Variants in TACC2 observed in about 807,000 individuals in gnomAD.
The protein encoded by TACC2 is transforming acidic coiled-coil-containing protein 2.
Under a neutral mutation model 227.3 loss-of-function variants are expected in TACC2, and 137 were observed. That is an observed-to-expected ratio of 0.60 (90% confidence interval 0.52 to 0.69). The LOEUF (loss-of-function observed/expected upper bound fraction) is 0.69, where lower values mean the gene tolerates loss of function less well. Ranked by LOEUF, TACC2 falls within the 30% of genes least tolerant of loss-of-function variation. The pLI is 0.00. For missense variants in TACC2, 3,470 were observed against 3,694.4 expected, an observed-to-expected ratio of 0.94 and a Z score of 1.57; for synonymous variants, 1,523 against 1,487.5, an observed-to-expected ratio of 1.02 and a Z score of -0.55.
At position 122,180,034 on chromosome 10, in the gene TACC2, A is replaced by G. The variant is rs1419913496; in HGVS notation, c.5835-15006A>G. Among the ~76,000 whole-genome samples, 4 of 152,028 alleles carry G rather than the reference A, an allele frequency of 2.6e-5. No homozygotes were observed. The highest frequency in any genetic ancestry group is 9.7e-5 in the African/African-American group (4 of 41,420). ...CAAGAGGTCGAGGCTGCAGTGAGCCATGATTGCGCCACTGCACTCCAGCCT... is the reference window on the plus strand; with the variant it reads ...CAAGAGGTCGAGGCTGCAGTGAGCCGTGATTGCGCCACTGCACTCCAGCCT... On this transcript the variant is annotated intron_variant, in intron 7 of 22. Transcript: ENST00000369005. The surrounding 1 kb of genome is among the most constrained non-coding windows in gnomAD (Gnocchi z 4.5).
chr10:122,197,210 G>A (rs894467148), intron 8 of TACC2, among the ~76,000 whole-genome samples: 3 of 152,162 alleles, frequency 2.0e-5, no homozygotes, highest in Admixed American at 6.5e-5. Context: ...GCAGTGAGCC[G>A]AGACCATGCC....
intron 3 of TACC2, among the ~76,000 whole-genome samples, chr10:122,056,963 C>T (rs1020669600): frequency 2.0e-5 from 3 of 151,852 alleles, no homozygotes; most frequent in Admixed American, 1.3e-4. Context: ...AGGCCAAGGC[C>T]GGTGGATCAT....
intron 7 of TACC2, among the ~76,000 whole-genome samples, chr10:122,168,017 G>A (rs2093277776): frequency 6.6e-6 from 1 of 150,572 alleles, no homozygotes; most frequent in Admixed American, 6.6e-5. Context: ...CTCTCAAGTA[G>A]CTGGGACTAT....
rs1465309965 is a variant in TACC2 at position 122,080,263 on chromosome 10, C to T, written c.147-2384C>T. ...GTTTTTTTGTTTTGAGACAGAGTCT[C>T]ACTCTGTTGCCCAGGCTGGAGTGCA... is the stretch of plus-strand genomic sequence containing the variant. On this transcript the variant is annotated intron_variant, in intron 3 of 22. Transcript: ENST00000369005. Among the ~76,000 whole-genome samples, 4 of 144,668 alleles carry T rather than the reference C, an allele frequency of 2.8e-5. 1 individual carries two copies. Among genetic ancestry groups the T allele is most frequent in the East Asian group, 2.0e-4 (1 of 4,888 alleles). The allele number at this position is 144,668 out of a possible 152,430, so 94.9% of individuals were successfully genotyped here. A position where few individuals can be genotyped will look rare whatever the true frequency, so the allele number is the denominator to read the frequency against.
At chr10:122,211,917 A>G (rs914441138) in intron 9 of TACC2, among the ~76,000 whole-genome samples, 1 of 152,178 alleles carries the variant, frequency 6.6e-6, no homozygotes, top group Non-Finnish European at 1.5e-5. Context: ...TCCCATCCAC[A>G]TACCCCTTTG....
At chr10:122,072,137 C>T (rs2078152329) in intron 3 of TACC2, among the ~76,000 whole-genome samples, 1 of 151,732 alleles carries the variant, frequency 6.6e-6, no homozygotes, top group African/African-American at 2.4e-5. Context: ...TGCCACTATG[C>T]CCGGCTAATT....
At chr10:122,000,790 G>A (rs1464806495) in intron 1 of TACC2, among the ~76,000 whole-genome samples, 4 of 151,616 alleles carry the variant, frequency 2.6e-5, no homozygotes, top group Admixed American at 2.0e-4. Context: ...TTTTTGTTTT[G>A]TTTTGTTTTC....
rs1366324714 is a variant in TACC2, at chr10:122,150,246, G to A, written c.5834+6540G>A. On this transcript the variant is annotated intron_variant, in intron 7 of 22. Transcript: ENST00000369005. This position sits in a 1 kb window ranked among gnomAD's most constrained non-coding sequence, Gnocchi z 4.0. The stretch of plus-strand genomic sequence containing the variant: ...GGGCGGCAGTCCCACGGCCCCTAGA[G>A]CAGCTGGGAAGGGGATCCCGCCCTG... 6.6e-6 allele frequency among the ~76,000 whole-genome samples: 1 copy of A among 152,248 alleles called. No homozygotes were observed. Among genetic ancestry groups the A allele is most frequent in the African/African-American group, 2.4e-5 (1 of 41,474 alleles).
chr10:122,077,015 T>C (rs2078893375), intron 3 of TACC2, among the ~76,000 whole-genome samples: 1 of 149,456 alleles, frequency 6.7e-6, no homozygotes, highest in African/African-American at 2.5e-5. Flanking sequence ...CTCGGGAGGC[T>C]GAGACACGAG....
At position 122,227,617 on chromosome 10, in the gene TACC2, G is replaced by A. The variant is rs879908690; in HGVS notation, c.7725-220G>A. Among the ~76,000 whole-genome samples the A allele has an allele frequency of 2.0e-5, 3 of 152,170 alleles. No individual in the cohort carries two copies. The East Asian group carries it at 5.8e-4, about 29-fold the overall frequency. On this transcript the variant is annotated intron_variant, in intron 13 of 22. Coordinates refer to ENST00000369005, the MANE Select transcript of TACC2 (RefSeq NM_206862.4). ...GGTGGTCTGCTGAACTGCAGAGCTC[G>A]GGTCTGTAGCCAGTGGCATCTGTGC...
Position 122,238,024 on chromosome 10 carries a change from G to T in TACC2, c.8335G>T (p.Val2779Leu). ...TAAATATGAAGAAAGCAGGCGGGAA[G>T]TGATGGAAATGAGGTCAGTTGGGGA... ...KDKYEESRRE[V>L]MEMRKIVAEY... The change falls in exon 18 of 23, where the codon GTG (valine) becomes TTG (leucine). Residue 2779 changes from valine to leucine, a missense_variant. Transcript: ENST00000369005. 6.2e-7 allele frequency: 1 copy of T among 1,614,156 alleles called. No homozygotes were observed.
At chr10:122,229,252 C>G (rs2095687776) in intron 14 of TACC2, 94 bp from the exon 15 acceptor site, 1 of 1,488,334 alleles carries the variant, frequency 6.7e-7, no homozygotes, top group African/African-American at 1.4e-5. Context: ...GCAAAAATGT[C>G]CAGCAAATGG....
intron 7 of TACC2, chr10:122,163,512 A>G (rs1045634537): frequency 2.1e-6 from 2 of 953,314 alleles, no homozygotes; most frequent in East Asian, 1.1e-4. Context: ...GGAGCCCGCG[A>G]TGGAGCTTTG....
At chr10:122,042,486 AC>A (rs2074428058) in intron 2 of TACC2, among the ~76,000 whole-genome samples, 1 of 150,558 alleles carries the variant, frequency 6.6e-6, no homozygotes, top group Non-Finnish European at 1.5e-5. Context: ...CAAGTGATCC[AC>A]CCGCCTCAGC....
At chr10:122,088,753 G>T (rs2080373662) in intron 5 of TACC2, 162 bp downstream of exon 5, 3 of 1,534,360 alleles carry the variant, frequency 2.0e-6, no homozygotes, top group Non-Finnish European at 2.6e-6. Context: ...AGCAGTACCT[G>T]GGATGACTAA....
rs1165738314 is a variant in TACC2, at chr10:122,084,568, G to C, written c.2068G>C (p.Gly690Arg). Residue 690 changes from glycine (G) to arginine (R), a missense_variant, in exon 4 of 23, where the codon GGG becomes CGG. By Grantham distance (125) the Gly-to-Arg change is moderately radical. Around this residue, in one of 10 missense-constraint regions of TACC2, gnomAD observed 1,924 missense variants for 1,978.3 expected, o/e 0.97. Coordinates refer to ENST00000369005, the MANE Select transcript of TACC2 (RefSeq NM_206862.4). ...TGTTCCCGAAGGAGCCATCTGGGAG[G>C]GGTCAGGATTGCAGCCCAAATGTCC... Reference protein sequence around the residue: ...PTVPEGAIWEGSGLQPKCPDT... With the variant: ...PTVPEGAIWERSGLQPKCPDT... 1.2e-6 allele frequency: 2 copies of C among 1,613,762 alleles called. No homozygotes were observed. Among genetic ancestry groups the C allele is most frequent in the Non-Finnish European group, 1.7e-6 (2 of 1,180,014 alleles).
chr10:122,230,274 C>G, intron 15 of TACC2, 77 bp from the exon 16 acceptor site: 1 of 1,278,098 alleles, frequency 7.8e-7, no homozygotes, highest in Non-Finnish European at 1.1e-6. Context: ...GTGGCACGTT[C>G]ATTTCTCGGA....
chr10:122,055,652 C>A (rs1172252630), intron 3 of TACC2, among the ~76,000 whole-genome samples: 1 of 152,136 alleles, frequency 6.6e-6, no homozygotes, highest in Non-Finnish European at 1.5e-5. Context: ...GTACAACACA[C>A]CCCCATGACA....
chr10:122,235,330 C>T (rs1211407604), intron 16 of TACC2, among the ~76,000 whole-genome samples: 1 of 152,220 alleles, frequency 6.6e-6, no homozygotes, highest in Non-Finnish European at 1.5e-5. Flanking sequence ...TCAAGTGATC[C>T]ACCTGCCTCA....
Sources: allele counts gnomAD v4.1 joint callset (sites outside exome capture counted in the v4.1 genomes callset), GRCh38; gene constraint gnomAD v4.1.1; regional missense constraint gnomAD v4.1.1; non-coding constraint Gnocchi (gnomAD v3.1); transcripts MANE v1.5; gene names NCBI Gene and HGNC (gene_info 2026-07-23, HGNC 2026-07-21).